GALNT2: variants seen among roughly 807,000 people sequenced by gnomAD.
GALNT2 encodes the protein UDP-GalNAc:polypeptide N-acetylgalactosaminyltransferase 2.
A neutral mutation model predicts 81.4 loss-of-function variants in GALNT2; 31 were observed. That is an observed-to-expected ratio of 0.38 (90% confidence interval 0.29 to 0.51). The LOEUF is 0.51. Among genes scored for constraint, GALNT2 ranks in the 20% least tolerant of loss-of-function variants. The probability of loss-of-function intolerance (pLI) is 0.87; values close to 1 mark genes in which losing one functional copy is unlikely to be tolerated. For synonymous variants in GALNT2, 303 were observed against 287.4 expected, an observed-to-expected ratio of 1.05 and a Z score of -0.55; for missense variants, 629 against 765.7, an observed-to-expected ratio of 0.82 and a Z score of 2.11.
At chr1:230,218,762 G>A (rs1458882935) in intron 3 of GALNT2, among the ~76,000 whole-genome samples, 1 of 152,100 alleles carries the variant, frequency 6.6e-6, no homozygotes, top group Non-Finnish European at 1.5e-5. Flanking sequence ...AAATGTGGAG[G>A]TATTTCTGGT....
intron 3 of GALNT2, among the ~76,000 whole-genome samples, chr1:230,216,141 C>T (rs1025312542): frequency 1.3e-5 from 2 of 152,172 alleles, no homozygotes; most frequent in Non-Finnish European, 2.9e-5. Context: ...TCTTCGAGTC[C>T]TAACAAACTG....
chr1:230,236,141 G>T (rs1388836993), intron 4 of GALNT2, 29 bp downstream of exon 4: 3 of 1,598,416 alleles, frequency 1.9e-6, no homozygotes, highest in Non-Finnish European at 2.6e-6. Flanking sequence ...TTACCTGTCA[G>T]GGGTGTTAAG....
At chr1:230,100,597 A>G (rs1660374750) in intron 1 of GALNT2, among the ~76,000 whole-genome samples, 1 of 152,200 alleles carries the variant, frequency 6.6e-6, no homozygotes, top group African/African-American at 2.4e-5. Flanking sequence ...AAGTGCTGGG[A>G]TTACAGGCGT....
chr1:230,269,141 T>C (rs372516404), intron 14 of GALNT2, among the ~76,000 whole-genome samples: 38 of 146,544 alleles, frequency 2.6e-4, no homozygotes, highest in African/African-American at 9.4e-4. Context: ...AGAAATTTTT[T>C]TTTTCTTTTT....
chr1:230,112,197 C>T (rs1660723229), intron 1 of GALNT2, among the ~76,000 whole-genome samples: 1 of 144,308 alleles, frequency 6.9e-6, no homozygotes, highest in Non-Finnish European at 1.5e-5. Flanking sequence ...ATTTTCTCTG[C>T]CCAGGACTCA....
chr1:230,079,422 C>T (rs1659661758), intron 1 of GALNT2, among the ~76,000 whole-genome samples: 1 of 152,236 alleles, frequency 6.6e-6, no homozygotes, highest in African/African-American at 2.4e-5. Context: ...TTCTGATGGA[C>T]CCACAGGTTA....
intron 1 of GALNT2, among the ~76,000 whole-genome samples, chr1:230,175,022 A>G (rs1314687117): frequency 6.6e-6 from 1 of 152,146 alleles, no homozygotes; most frequent in Non-Finnish European, 1.5e-5. Flanking sequence ...TTTGCACAGC[A>G]CAGGCCAAGA....
chr1:230,125,718 A>G (rs1322181306), intron 1 of GALNT2, among the ~76,000 whole-genome samples: 1 of 152,222 alleles, frequency 6.6e-6, no homozygotes, highest in Non-Finnish European at 1.5e-5. Context: ...AGGAGAACAG[A>G]CAACTTCGGC....
At chr1:230,152,105 C>G (rs567470374) in intron 1 of GALNT2, among the ~76,000 whole-genome samples, 2 of 152,252 alleles carry the variant, frequency 1.3e-5, no homozygotes, top group African/African-American at 2.4e-5. Context: ...TATTTTGTGC[C>G]GATCTCCTAT....
At chr1:230,245,984 A>G in intron 7 of GALNT2, 79 bp from the exon 8 acceptor site, 2 of 1,213,744 alleles carry the variant, frequency 1.6e-6, no homozygotes, top group East Asian at 2.3e-5. Flanking sequence ...GTGCCTGCCT[A>G]ATACTAATGC....
At position 230,192,968 on chromosome 1, in the gene GALNT2, G is replaced by A. The variant is rs189100083; in HGVS notation, c.221-10169G>A. 2.5e-3 allele frequency among the ~76,000 whole-genome samples: 382 copies of A among 152,266 alleles called. 4 individuals carry two copies. Among genetic ancestry groups the A allele is most frequent in the Non-Finnish European group, 4.0e-3 (273 of 68,008 alleles). ...TGTTTGTAATCCTGGCCTTGTCCTCGTCTTTTCTTTCATGGTGTAGCATTA... is the reference window on the plus strand; with the variant it reads ...TGTTTGTAATCCTGGCCTTGTCCTCATCTTTTCTTTCATGGTGTAGCATTA... On this transcript the variant is annotated intron_variant, in intron 2 of 15. Coordinates refer to ENST00000366672, the MANE Select transcript of GALNT2 (RefSeq NM_004481.5).
chr1:230,169,179 T>C (rs1338103445), intron 1 of GALNT2, among the ~76,000 whole-genome samples: 9 of 152,224 alleles, frequency 5.9e-5, no homozygotes, highest in Non-Finnish European at 1.3e-4. Flanking sequence ...AAGGGAAGTT[T>C]AGTACCCCTG....
At chr1:230,230,767 T>C (rs370192500) in intron 3 of GALNT2, among the ~76,000 whole-genome samples, 65 of 152,318 alleles carry the variant, frequency 4.3e-4, no homozygotes, top group African/African-American at 1.5e-3. Flanking sequence ...TAATAATCAG[T>C]TAAGTTGTGT....
Position 230,243,494 on chromosome 1 carries a change from A to G in GALNT2, c.729+67A>G, listed in dbSNP as rs1444314076. 8 of 1,587,894 alleles carry G rather than the reference A, an allele frequency of 5.0e-6. No homozygotes were observed. The highest frequency in any genetic ancestry group is 1.7e-5 in the Admixed American group (1 of 58,200). On this transcript the variant is annotated intron_variant, in intron 7 of 15. Coordinates refer to ENST00000366672, the MANE Select transcript of GALNT2 (RefSeq NM_004481.5). This position sits in a 1 kb window ranked among gnomAD's most constrained non-coding sequence, Gnocchi z 4.2. ...GTTGGTAGAGGGGACAGAAGGGAGC[A>G]TGGTCCAGGGGAGGTGTAACGCAGG...
At chr1:230,270,183 A>AGT (rs1017663030) in intron 14 of GALNT2, among the ~76,000 whole-genome samples, 2 of 152,232 alleles carry the variant, frequency 1.3e-5, no homozygotes, top group African/African-American at 2.4e-5. Flanking sequence ...CCTGGGTGAC[A>AGT]GTGTGAGATT....
chr1:230,194,251 C>T (rs1157315434), intron 2 of GALNT2, among the ~76,000 whole-genome samples: 2 of 152,160 alleles, frequency 1.3e-5, no homozygotes, highest in African/African-American at 4.8e-5. Context: ...GTTGCTGGGC[C>T]TGAAGTCTGT....
At position 230,279,961 on chromosome 1, in the gene GALNT2, T is replaced by C. The variant is rs1039255120; in HGVS notation, c.*503T>C. On this transcript the variant is annotated 3_prime_UTR_variant, in exon 16 of 16. Transcript: ENST00000366672. This position sits in a 1 kb window ranked among gnomAD's most constrained non-coding sequence, Gnocchi z 4.6. ...GGTTTACGTCAATAGTCCCTCTCTC[T>C]GCTCCTCCATTCGCAAGTGTCTTCC... is the stretch of plus-strand genomic sequence containing the variant. 2.2e-5 allele frequency: 10 copies of C among 456,176 alleles called. No individual in the cohort carries two copies. Among genetic ancestry groups the C allele is most frequent in the Non-Finnish European group, 4.4e-5 (10 of 226,938 alleles). 28.3% of individuals were successfully genotyped at this position (456,176 alleles called of 1,614,324 possible).
At chr1:230,133,062 T>C (rs1252634396) in intron 1 of GALNT2, among the ~76,000 whole-genome samples, 2 of 152,228 alleles carry the variant, frequency 1.3e-5, no homozygotes, top group Non-Finnish European at 2.9e-5. Context: ...TGCAGTTTGG[T>C]TTTTTTCCCT....
intron 12 of GALNT2, 120 bp downstream of exon 12, chr1:230,262,785 G>A: frequency 7.7e-7 from 1 of 1,299,954 alleles, no homozygotes; most frequent in Non-Finnish European, 1.1e-6. Flanking sequence ...GGAAGGGGTT[G>A]TGGGCACAGG....
Sources: gnomAD v4.1 joint callset for allele counts (sites outside exome capture counted in the v4.1 genomes callset) on GRCh38, gnomAD v4.1.1 for gene constraint, Gnocchi (gnomAD v3.1) non-coding constraint, MANE v1.5 for transcripts, NCBI Gene and HGNC (gene_info 2026-07-23, HGNC 2026-07-21) for gene names.